PCDHA3: variants seen among roughly 807,000 people sequenced by gnomAD.
PCDHA3 encodes the protein protocadherin alpha 3.
A neutral mutation model predicts 62.2 loss-of-function variants in PCDHA3; 41 were observed. The ratio of observed to expected loss-of-function variants is 0.66; its 90% CI spans 0.51 to 0.86. The LOEUF is 0.86. PCDHA3 is among the 40% of genes least tolerant of loss of function. The pLI is 0.00. For synonymous variants in PCDHA3, 640 were observed against 555.4 expected (o/e 1.15, Z -2.14); for missense variants, 1,304 against 1,241.2 (o/e 1.05, Z -0.76).
intron 1 of PCDHA3, among the ~76,000 whole-genome samples, chr5:140,955,521 TC>T (rs2095199105): frequency 6.6e-6 from 1 of 152,142 alleles, no homozygotes; most frequent in Non-Finnish European, 1.5e-5. Context: ...TGCTTTCCCT[TC>T]CACCATGATT....
chr5:140,971,557 T>A (rs1483701815), intron 1 of PCDHA3, among the ~76,000 whole-genome samples: 5 of 152,150 alleles, frequency 3.3e-5, no homozygotes, highest in Non-Finnish European at 7.4e-5. Context: ...CCTGTTAAAT[T>A]CCCATGTTGG....
intron 3 of PCDHA3, among the ~76,000 whole-genome samples, chr5:140,983,005 A>G (rs1468544114): frequency 2.0e-5 from 3 of 152,110 alleles, no homozygotes; most frequent in African/African-American, 4.8e-5. Flanking sequence ...AAAGAAAGAA[A>G]AAGGAAGGAA....
rs782513302 is a variant in PCDHA3 at position 140,857,057 on chromosome 5, GTGGAACTAC to G, written c.2394+53471_2394+53479del. The stretch of plus-strand genomic sequence containing the variant: ...TATGGTTGGTCACTGCACGGTCCTA[GTGGAACTAC>G]TGGATGAAAATGATAATTCACCTGA... On this transcript the variant is annotated intron_variant, in intron 1 of 3. Coordinates refer to ENST00000522353, the MANE Select transcript of PCDHA3 (RefSeq NM_018906.3). 670 of 1,596,188 alleles carry G rather than the reference GTGGAACTAC, an allele frequency of 4.2e-4. 48 individuals are homozygous for G. The highest frequency in any genetic ancestry group is 2.0e-3 in the Middle Eastern group (12 of 5,996).
rs146495947 is a variant in PCDHA3, at chr5:140,843,027, G to C, written c.2394+39436G>C. 1.7e-3 allele frequency: 2,668 copies of C among 1,595,168 alleles called. 274 individuals carry two copies. Among genetic ancestry groups the C allele is most frequent in the Non-Finnish European group, 2.1e-3 (2,455 of 1,165,422 alleles). ...AACGCGCCGGCACTGCTGGAGCCTC[G>C]GGTGGGTGGCACTGGTGGCGCAGCG... is the stretch of plus-strand genomic sequence containing the variant. On this transcript the variant is annotated intron_variant, in intron 1 of 3. Transcript: ENST00000522353.
chr5:140,928,043 C>A (rs1554205400), intron 1 of PCDHA3: 1 of 1,614,192 alleles, frequency 6.2e-7, no homozygotes, highest in Non-Finnish European at 8.5e-7. Context: ...AGTGCAGGCC[C>A]TTTTCAGCTG....
intron 1 of PCDHA3, among the ~76,000 whole-genome samples, chr5:140,917,324 C>CG (rs1299895515): frequency 0.012 from 918 of 74,422 alleles, 22 homozygotes; most frequent in East Asian, 0.019. Flanking sequence ...GTTCATGTGG[C>CG]GGGGGAGGGG....
intron 1 of PCDHA3, among the ~76,000 whole-genome samples, chr5:140,838,389 G>A (rs1775711705): frequency 6.6e-6 from 1 of 150,780 alleles, no homozygotes; most frequent in Non-Finnish European, 1.5e-5. Flanking sequence ...CTCCCAATGT[G>A]CTGGGATTAC....
intron 1 of PCDHA3, chr5:140,863,222 A>C: frequency 9.0e-7 from 1 of 1,110,392 alleles, no homozygotes; most frequent in Non-Finnish European, 1.3e-6. Flanking sequence ...CAAGCGAGGA[A>C]GGTCCCATCG....
At position 140,829,016 on chromosome 5, in the gene PCDHA3, G is replaced by C. The variant is rs1554131717; in HGVS notation, c.2394+25425G>C. The C allele has an allele frequency of 5.0e-6, 8 of 1,613,532 alleles. No individual in the cohort carries two copies. In the East Asian group the frequency reaches 1.6e-4, roughly 31 times the overall value. ...AGAAATAGTGATTCGGGGTAATTTG[G>C]ATTTTGAACAAGAAAACTTATACAA... is the stretch of plus-strand genomic sequence containing the variant. On this transcript the variant is annotated intron_variant, in intron 1 of 3. Coordinates refer to ENST00000522353, the MANE Select transcript of PCDHA3 (RefSeq NM_018906.3).
At chr5:140,823,147 C>T in intron 1 of PCDHA3, 1 of 1,614,004 alleles carries the variant, frequency 6.2e-7, no homozygotes, top group Non-Finnish European at 8.5e-7. Flanking sequence ...CGCGCAGCCC[C>T]AGTATACCGT....
chr5:140,938,977 A>C (rs1205824371), intron 1 of PCDHA3, among the ~76,000 whole-genome samples: 1 of 152,190 alleles, frequency 6.6e-6, no homozygotes, highest in Admixed American at 6.5e-5. Flanking sequence ...CATCAAGGCT[A>C]TCCTGGCTTT....
At chr5:140,809,365 G>A in intron 1 of PCDHA3, 1 of 1,614,026 alleles carries the variant, frequency 6.2e-7, no homozygotes, top group Middle Eastern at 1.7e-4. Context: ...GCTCTGCGCT[G>A]CCCACCGAGG....
chr5:140,865,121 A>G (rs1247954384), intron 1 of PCDHA3: 9 of 152,186 alleles, frequency 5.9e-5, no homozygotes, highest in African/African-American at 2.2e-4. Context: ...TTGTGGTGTT[A>G]ATTATACCTT....
chr5:140,966,042 G>T (rs1554228004), intron 1 of PCDHA3, among the ~76,000 whole-genome samples: 1 of 152,152 alleles, frequency 6.6e-6, no homozygotes, highest in Admixed American at 6.5e-5. Context: ...AGTTCCCATC[G>T]CCAGTAACCC....
chr5:140,843,593 G>T, intron 1 of PCDHA3: 2 of 1,596,072 alleles, frequency 1.3e-6, no homozygotes, highest in Non-Finnish European at 1.7e-6. Flanking sequence ...GCCGCAGAGG[G>T]TGTGCTCTGG....
At chr5:140,834,242 C>T in intron 1 of PCDHA3, 8 of 829,662 alleles carry the variant, frequency 9.6e-6, no homozygotes, top group Non-Finnish European at 1.5e-5. Flanking sequence ...TTCCTTTTCG[C>T]ACTGGAAAGA....
At chr5:140,831,279 C>T (rs1046790636) in intron 1 of PCDHA3, 1 of 152,150 alleles carries the variant, frequency 6.6e-6, no homozygotes, top group African/African-American at 2.4e-5. Flanking sequence ...TGATGGTCTT[C>T]TCTTCATGGA....
intron 1 of PCDHA3, among the ~76,000 whole-genome samples, chr5:140,964,284 A>C (rs190870993): frequency 6.6e-6 from 1 of 152,362 alleles, no homozygotes; most frequent in East Asian, 1.9e-4. Context: ...AGTAAATTCT[A>C]GCTGGAGCTA....
intron 3 of PCDHA3, among the ~76,000 whole-genome samples, chr5:140,993,683 G>A (rs2097577653): frequency 6.6e-6 from 1 of 152,080 alleles, no homozygotes; most frequent in Non-Finnish European, 1.5e-5. Flanking sequence ...TGTGACAGCT[G>A]TCCCATAAGA....
Sources: gnomAD v4.1 joint callset for allele counts (sites outside exome capture counted in the v4.1 genomes callset) on GRCh38, gnomAD v4.1.1 for gene constraint, MANE v1.5 for transcripts, NCBI Gene and HGNC (gene_info 2026-07-23, HGNC 2026-07-21) for gene names.